ZBTB8OS: variants seen among roughly 807,000 people sequenced by gnomAD.
The protein encoded by ZBTB8OS is tRNA splicing ligase complex subunit 1.
A neutral mutation model predicts 29.3 loss-of-function variants in ZBTB8OS; 16 were observed. That is an observed-to-expected ratio of 0.55 (90% CI 0.37 to 0.83). The LOEUF (loss-of-function observed/expected upper bound fraction) is 0.83, where lower values mean the gene tolerates loss of function less well. Among genes scored for constraint, ZBTB8OS ranks in the 40% least tolerant of loss-of-function variants. The probability of loss-of-function intolerance (pLI) is 0.00; values close to 1 mark genes in which losing one functional copy is unlikely to be tolerated. For missense variants in ZBTB8OS, 160 were observed against 196.9 expected (o/e 0.81, Z 1.12); for synonymous variants, 70 against 64.6 (o/e 1.08, Z -0.40).
intron 1 of ZBTB8OS, among the ~76,000 whole-genome samples, chr1:32,642,166 A>C (rs750923035): frequency 2.0e-5 from 3 of 152,168 alleles, no homozygotes; most frequent in Non-Finnish European, 4.4e-5. Flanking sequence ...ACAAGGAAGA[A>C]AATCAAAATA....
At chr1:32,629,872 C>A (rs2148343405) in intron 5 of ZBTB8OS, among the ~76,000 whole-genome samples, 1 of 151,620 alleles carries the variant, frequency 6.6e-6, no homozygotes, top group Admixed American at 6.6e-5. Context: ...CCTGCCTCAG[C>A]CTCCTGAGTA....
At chr1:32,638,036 C>A (rs1012713504) in intron 1 of ZBTB8OS, among the ~76,000 whole-genome samples, 1 of 151,854 alleles carries the variant, frequency 6.6e-6, no homozygotes, top group African/African-American at 2.4e-5. Flanking sequence ...AGGATTTTGC[C>A]ATGTTGGCCA....
chr1:32,631,701 T>C (rs1307134826), intron 5 of ZBTB8OS, 126 bp downstream of exon 5: 4 of 670,640 alleles, frequency 6.0e-6, no homozygotes, highest in African/African-American at 1.9e-5. Context: ...TCCAAGCCCT[T>C]AGACATCCCA....
intron 6 of ZBTB8OS, 77 bp from the exon 7 acceptor site, chr1:32,622,025 A>C (rs1036705529): frequency 2.0e-6 from 2 of 1,025,192 alleles, no homozygotes; most frequent in East Asian, 2.5e-5. Flanking sequence ...CTCTAGCAAC[A>C]ATCAGCAGAA....
chr1:32,645,672 G>A (rs541972024), intron 1 of ZBTB8OS, among the ~76,000 whole-genome samples: 82 of 152,260 alleles, frequency 5.4e-4, no homozygotes, highest in African/African-American at 1.9e-3. Context: ...CCAGGATAGA[G>A]TGCAGTGGTA....
intron 1 of ZBTB8OS, among the ~76,000 whole-genome samples, chr1:32,644,883 A>G (rs1407962358): frequency 1.3e-5 from 2 of 151,946 alleles, no homozygotes; most frequent in Admixed American, 6.6e-5. Context: ...TAAAAATAAT[A>G]TAATAATAAA....
chr1:32,650,713 C>T, upstream of ZBTB8OS: 1 of 1,041,892 alleles, frequency 9.6e-7, no homozygotes, highest in Non-Finnish European at 1.4e-6. Flanking sequence ...TTTAAAAAGC[C>T]AAAACCCCAT....
At chr1:32,634,348 T>C in intron 2 of ZBTB8OS, 1 of 304,650 alleles carries the variant, frequency 3.3e-6, no homozygotes, top group East Asian at 5.8e-5. Context: ...TGCCTCAGCC[T>C]CACAAGTAGC....
rs536059502 is a variant in ZBTB8OS at position 32,622,659 on chromosome 1, C to T, written c.418-711G>A. ...CAAAATTATCTGTACACTAAACCCC[C>T]ACAACATGCAATTTACCCATGTAAC... On this transcript the variant is annotated intron_variant, in intron 6 of 6. Transcript: ENST00000468695. 2.6e-5 allele frequency among the ~76,000 whole-genome samples: 4 copies of T among 151,764 alleles called. No individual in the cohort carries two copies. In the South Asian group the frequency reaches 8.3e-4, roughly 32 times the overall value.
rs1280039592 is a variant in ZBTB8OS at position 32,633,344 on chromosome 1, A to G, written c.327+301T>C. On this transcript the variant is annotated intron_variant, in intron 4 of 6. Transcript: ENST00000468695. Reference sequence around the variant, plus strand: ...CAAGACTAGCCTCGACAACATAGCAACACCCTGTCTCTATCAAAAACAAAA... The same window carrying G: ...CAAGACTAGCCTCGACAACATAGCAGCACCCTGTCTCTATCAAAAACAAAA... 4 of 257,362 alleles carry G rather than the reference A, an allele frequency of 1.6e-5. No homozygotes were observed. In the East Asian group the frequency reaches 4.1e-4, roughly 26 times the overall value. 15.9% of individuals were successfully genotyped at this position (257,362 alleles called of 1,614,324 possible). A position where few individuals can be genotyped will look rare whatever the true frequency, so the allele number is the denominator to read the frequency against.
At chr1:32,636,139 C>G (rs1026468806) in intron 1 of ZBTB8OS, among the ~76,000 whole-genome samples, 1 of 152,132 alleles carries the variant, frequency 6.6e-6, no homozygotes, top group Non-Finnish European at 1.5e-5. Context: ...AAGAAAAACT[C>G]ACTTCAATCC....
At chr1:32,650,706 A>T, upstream of ZBTB8OS, 1 of 1,142,038 alleles carries the variant, frequency 8.8e-7, no homozygotes, top group Non-Finnish European at 1.2e-6. Flanking sequence ...TCGCATATTT[A>T]AAAAGCCAAA....
intron 1 of ZBTB8OS, among the ~76,000 whole-genome samples, chr1:32,640,666 C>A (rs1333085925): frequency 6.6e-6 from 1 of 151,998 alleles, no homozygotes; most frequent in African/African-American, 2.4e-5. Context: ...CAGACACGCA[C>A]CACCACACCT....
intron 1 of ZBTB8OS, among the ~76,000 whole-genome samples, chr1:32,640,255 C>A (rs533443485): frequency 3.3e-5 from 5 of 152,068 alleles, no homozygotes; most frequent in Admixed American, 1.3e-4. Context: ...CGCCACCACG[C>A]CTGGCTAATT....
intron 1 of ZBTB8OS, among the ~76,000 whole-genome samples, chr1:32,643,459 C>A (rs1360689899): frequency 6.6e-6 from 1 of 151,800 alleles, no homozygotes; most frequent in Non-Finnish European, 1.5e-5. Context: ...GTGGCACAAT[C>A]ATGGCTCACA....
chr1:32,630,306 C>T (rs1570526159), intron 5 of ZBTB8OS, among the ~76,000 whole-genome samples: 2 of 152,182 alleles, frequency 1.3e-5, no homozygotes, highest in Admixed American at 6.5e-5. Flanking sequence ...GCAGGAGAAT[C>T]GCTTGAACTC....
At chr1:32,643,611 T>A (rs1189388898) in intron 1 of ZBTB8OS, among the ~76,000 whole-genome samples, 1 of 151,890 alleles carries the variant, frequency 6.6e-6, no homozygotes, top group African/African-American at 2.4e-5. Flanking sequence ...TTCTCCTGCC[T>A]CAGCCTCCCG....
chr1:32,630,200 T>C (rs1003745933), intron 5 of ZBTB8OS, among the ~76,000 whole-genome samples: 6 of 152,130 alleles, frequency 3.9e-5, no homozygotes, highest in South Asian at 2.1e-4. Context: ...CCTAGCAACA[T>C]AGCAAGACCC....
At chr1:32,634,125 A>T in intron 2 of ZBTB8OS, 53 bp from the exon 3 acceptor site, 1 of 1,358,238 alleles carries the variant, frequency 7.4e-7, no homozygotes, top group South Asian at 2.3e-5. Flanking sequence ...AAGAAAGAAA[A>T]TTTGATAGCA....
Sources: gnomAD v4.1 joint callset for allele counts (sites outside exome capture counted in the v4.1 genomes callset) on GRCh38, gnomAD v4.1.1 for gene constraint, MANE v1.5 for transcripts, NCBI Gene and HGNC (gene_info 2026-07-23, HGNC 2026-07-21) for gene names.